CSTPP1: variants seen among roughly 807,000 people sequenced by gnomAD.
CSTPP1 encodes the protein UPF0705 protein C11orf49.
chr11:47,097,329 G>C, the CSTPP1 span, among the ~76,000 whole-genome samples: 15 of 125,250 alleles, frequency 1.2e-4, no homozygotes, highest in Non-Finnish European at 1.2e-4. Context: ...GGAGGTGGGG[G>C]GGTCAGCCCT....
chr11:47,163,952 A>G, the CSTPP1 span: 1 of 997,506 alleles, frequency 1.0e-6, no homozygotes, highest in Non-Finnish European at 1.5e-6. Context: ...GGCGTTAAAT[A>G]TTTCTTAAAC....
the CSTPP1 span, chr11:47,162,045 C>A: frequency 2.0e-6 from 2 of 994,100 alleles, no homozygotes; most frequent in Non-Finnish European, 2.4e-6. Context: ...GGGCCTTGCA[C>A]CATCAAGGGT....
the CSTPP1 span, among the ~76,000 whole-genome samples, chr11:47,075,794 T>G: frequency 2.0e-5 from 3 of 152,078 alleles, no homozygotes; most frequent in African/African-American, 7.2e-5. Context: ...GGCAGGTGCC[T>G]GTAATCCCAG....
the CSTPP1 span, among the ~76,000 whole-genome samples, chr11:47,033,351 G>T: frequency 2.0e-4 from 31 of 152,302 alleles, no homozygotes; most frequent in African/African-American, 7.2e-4. Flanking sequence ...GTCAAAAGCA[G>T]TCTTGAATAG....
At chr11:47,155,450 G>A in the CSTPP1 span, 1 of 620,106 alleles carries the variant, frequency 1.6e-6, no homozygotes, top group East Asian at 2.7e-5. Context: ...AGTCTGCAGA[G>A]CCGACTTCCT....
chr11:47,107,629 G>T, the CSTPP1 span, among the ~76,000 whole-genome samples: 2 of 151,884 alleles, frequency 1.3e-5, no homozygotes, highest in Admixed American at 6.6e-5. Flanking sequence ...CAAGGAGTTT[G>T]TCCAGGAGAG....
At chr11:47,151,741 C>T in the CSTPP1 span, among the ~76,000 whole-genome samples, 45 of 151,830 alleles carry the variant, frequency 3.0e-4, no homozygotes, top group Non-Finnish European at 5.6e-4. Context: ...AAAAAAAACC[C>T]TCAGTCCTTT....
chr11:46,959,314 T>C, the CSTPP1 span, among the ~76,000 whole-genome samples: 4 of 152,114 alleles, frequency 2.6e-5, no homozygotes, highest in African/African-American at 9.7e-5. Flanking sequence ...TTTTTGAAGC[T>C]ACTTGTTTAG....
the CSTPP1 span, chr11:47,137,983 G>A: frequency 5.4e-6 from 3 of 552,732 alleles, no homozygotes; most frequent in Non-Finnish European, 6.4e-6. Context: ...AGATGAAGAG[G>A]CAGAAAAAGC....
chr11:46,950,500 C>G, the CSTPP1 span, among the ~76,000 whole-genome samples: 1 of 151,898 alleles, frequency 6.6e-6, no homozygotes, highest in African/African-American at 2.4e-5. Context: ...ATTCTAATCC[C>G]TTAGGCAGGG....
chr11:46,936,951 G>A, the CSTPP1 span: 1 of 1,297,606 alleles, frequency 7.7e-7, no homozygotes, highest in Non-Finnish European at 1.0e-6. Context: ...GATCGGGTCC[G>A]GGTGGTATGG....
chr11:47,033,336 A>G, the CSTPP1 span, among the ~76,000 whole-genome samples: 31 of 152,210 alleles, frequency 2.0e-4, no homozygotes, highest in Non-Finnish European at 2.9e-4. Context: ...CATGTCATAA[A>G]AGAAGTCAAA....
chr11:47,062,009 C>T, the CSTPP1 span, among the ~76,000 whole-genome samples: 1 of 152,060 alleles, frequency 6.6e-6, no homozygotes, highest in Non-Finnish European at 1.5e-5. Context: ...ACCTGAAGCT[C>T]CTCAACCCTC....
At chr11:46,938,419 G>A in the CSTPP1 span, among the ~76,000 whole-genome samples, 6 of 150,326 alleles carry the variant, frequency 4.0e-5, no homozygotes, top group African/African-American at 1.5e-4. Context: ...AGGGTTCTTT[G>A]TGTTGTTCAG....
the CSTPP1 span, among the ~76,000 whole-genome samples, chr11:47,032,419 G>C: frequency 6.6e-6 from 1 of 152,026 alleles, no homozygotes; most frequent in Non-Finnish European, 1.5e-5. Flanking sequence ...ATAGTGTATG[G>C]CACATAGATG....
the CSTPP1 span, among the ~76,000 whole-genome samples, chr11:47,057,604 G>C: frequency 1.3e-5 from 2 of 152,162 alleles, no homozygotes; most frequent in African/African-American, 4.8e-5. Flanking sequence ...TATAGGGAGA[G>C]AGATTGTCAA....
the CSTPP1 span, among the ~76,000 whole-genome samples, chr11:47,008,876 A>G: frequency 6.6e-6 from 1 of 151,986 alleles, no homozygotes; most frequent in East Asian, 1.9e-4. Flanking sequence ...TAAAAATACA[A>G]AAAAATTAGC....
the CSTPP1 span, among the ~76,000 whole-genome samples, chr11:47,097,243 T>C: frequency 4.2e-5 from 3 of 71,522 alleles, no homozygotes; most frequent in African/African-American, 4.7e-5. Flanking sequence ...GGAGCCCCTC[T>C]GCCCGGCCAG....
the CSTPP1 span, among the ~76,000 whole-genome samples, chr11:47,058,828 C>CACTAATT: frequency 2.0e-5 from 3 of 152,248 alleles, no homozygotes; most frequent in Admixed American, 2.0e-4. Flanking sequence ...ATTGCTTCAG[C>CACTAATT]GTGTTATGCA....
Sources: gnomAD v4.1 joint callset for allele counts (sites outside exome capture counted in the v4.1 genomes callset) on GRCh38, gnomAD v4.1.1 for gene constraint, MANE v1.5 for transcripts, NCBI Gene and HGNC (gene_info 2026-07-23, HGNC 2026-07-21) for gene names.